COL4A3: variants seen among roughly 807,000 people sequenced by gnomAD.
COL4A3 encodes collagen alpha-3(IV) chain.
In COL4A3, 135 loss-of-function variants were observed where a neutral mutation model predicts 217.4. The observed-to-expected ratio is 0.62, with a 90% CI of 0.54 to 0.72. The LOEUF (loss-of-function observed/expected upper bound fraction) is 0.72. Among genes scored for constraint, COL4A3 ranks in the 30% least tolerant of loss-of-function variants. COL4A3 has a pLI of 0.00. For missense variants in COL4A3, 1,868 were observed against 2,119.9 expected, an observed-to-expected ratio of 0.88 and a Z score of 2.33; for synonymous variants, 690 against 736.3, an observed-to-expected ratio of 0.94 and a Z score of 1.02.
In COL4A3 at chr2:227,232,343, A is replaced by G. The variant is rs147771490; in HGVS notation, c.88-5625A>G. Among the ~76,000 whole-genome samples, 42 of 152,366 alleles carry G rather than the reference A, an allele frequency of 2.8e-4. No homozygotes were observed. In the East Asian group the frequency reaches 7.5e-3, roughly 27 times the overall value. On this transcript the variant is annotated intron_variant, in intron 1 of 51. Coordinates refer to ENST00000396578, the MANE Select transcript of COL4A3 (RefSeq NM_000091.5). ...TGCTACAACAAACATGGGAGTGCAG[A>G]TATCTCTTTGATACACTGATTTCCT...
At chr2:227,223,144 G>A (rs201076189) in intron 1 of COL4A3, among the ~76,000 whole-genome samples, 4 of 150,190 alleles carry the variant, frequency 2.7e-5, no homozygotes, top group African/African-American at 4.9e-5. Flanking sequence ...GTGGTCTGGG[G>A]AACCCCTGAA....
Position 227,190,728 on chromosome 2 carries a change from G to A in COL4A3, c.87+25915G>A, listed in dbSNP as rs1024827388. On this transcript the variant is annotated intron_variant, in intron 1 of 51. Coordinates refer to ENST00000396578, the MANE Select transcript of COL4A3 (RefSeq NM_000091.5). Reference sequence around the variant, plus strand: ...TTGAGAGCAGCCTGGCCAACATGGCGAAACCTCGTCTCTACAAAAAATTAA... The same window carrying A: ...TTGAGAGCAGCCTGGCCAACATGGCAAAACCTCGTCTCTACAAAAAATTAA... Among the ~76,000 whole-genome samples the A allele has an allele frequency of 1.6e-3, 239 of 152,256 alleles. 1 individual carries two copies. Among genetic ancestry groups the A allele is most frequent in the African/African-American group, 5.2e-3 (215 of 41,540 alleles).
At chr2:227,286,523 AG>A (rs1374172280) in intron 34 of COL4A3, among the ~76,000 whole-genome samples, 6 of 152,164 alleles carry the variant, frequency 3.9e-5, no homozygotes, top group Non-Finnish European at 7.4e-5. Context: ...TAACCCTAGG[AG>A]TAGGTACTAC....
chr2:227,287,425 G>A (rs1179133244), intron 34 of COL4A3, among the ~76,000 whole-genome samples: 2 of 149,100 alleles, frequency 1.3e-5, no homozygotes, highest in African/African-American at 2.5e-5. Context: ...GCAAGACTCC[G>A]TCTCAAAAAA....
chr2:227,263,096 T>TA (rs11377072), intron 20 of COL4A3, among the ~76,000 whole-genome samples: 15,433 of 152,124 alleles, frequency 0.1, 1,548 homozygotes, highest in African/African-American at 0.27. Context: ...AAAATATGAT[T>TA]AAAAAAATAC....
At chr2:227,288,517 G>A (rs2072480138) in intron 34 of COL4A3, among the ~76,000 whole-genome samples, 1 of 152,198 alleles carries the variant, frequency 6.6e-6, no homozygotes, top group Non-Finnish European at 1.5e-5. Flanking sequence ...AAATCCAAGT[G>A]TTATTAACTG....
chr2:227,196,636 C>T (rs2066490842), intron 1 of COL4A3, among the ~76,000 whole-genome samples: 1 of 152,100 alleles, frequency 6.6e-6, no homozygotes, highest in African/African-American at 2.4e-5. Flanking sequence ...TTTTATATTG[C>T]ATTTTTACCG....
chr2:227,231,161 G>C (rs919984730), intron 1 of COL4A3, among the ~76,000 whole-genome samples: 2 of 152,012 alleles, frequency 1.3e-5, no homozygotes, highest in African/African-American at 2.4e-5. Context: ...TGTATAACTG[G>C]TACATGTCTG....
In COL4A3 at chr2:227,186,187, G is replaced by A. The variant is rs910728391; in HGVS notation, c.87+21374G>A. On this transcript the variant is annotated intron_variant, in intron 1 of 51. Transcript: ENST00000396578. ...ATTATTTGATTTGGTTTGATTTTTC[G>A]TATACTTTCAGGCTTCTATCACGCC... is the stretch of plus-strand genomic sequence containing the variant. Among the ~76,000 whole-genome samples the A allele has an allele frequency of 4.6e-5, 7 of 152,262 alleles. No homozygotes were observed. In the East Asian group the frequency reaches 9.6e-4, roughly 21 times the overall value.
At chr2:227,215,084 A>C (rs1421405783) in intron 1 of COL4A3, among the ~76,000 whole-genome samples, 1 of 152,162 alleles carries the variant, frequency 6.6e-6, no homozygotes, top group African/African-American at 2.4e-5. Context: ...CCTAAAACTT[A>C]GACTTTTCTA....
Position 227,311,972 on chromosome 2 carries a change from C to G in COL4A3, c.*102C>G, listed in dbSNP as rs542676292. ...ATTTTTCTTTAACCAAACAATATTGCTCCATGATGACTTAGTACAAAGTTT... is the reference window on the plus strand; with the variant it reads ...ATTTTTCTTTAACCAAACAATATTGGTCCATGATGACTTAGTACAAAGTTT... On this transcript the variant is annotated 3_prime_UTR_variant, in exon 52 of 52. Transcript: ENST00000396578. 3 of 1,541,618 alleles carry G rather than the reference C, an allele frequency of 1.9e-6. No homozygotes were observed. In the East Asian group the frequency reaches 7.2e-5, roughly 37 times the overall value.
At chr2:227,231,971 AG>A (rs1036108754) in intron 1 of COL4A3, among the ~76,000 whole-genome samples, 3 of 151,990 alleles carry the variant, frequency 2.0e-5, no homozygotes, top group Non-Finnish European at 4.4e-5. Context: ...TACCCCTCTA[AG>A]CTTCTGGTAA....
intron 15 of COL4A3, 123 bp downstream of exon 15, chr2:227,254,838 T>C (rs2070049692): frequency 1.3e-6 from 1 of 759,802 alleles, no homozygotes; most frequent in Middle Eastern, 2.3e-4. Flanking sequence ...TTCTTTAAGA[T>C]TTGGGAGGCA....
At chr2:227,290,998 C>T (rs931331859) in intron 37 of COL4A3, 112 bp downstream of exon 37, 1 of 1,227,046 alleles carries the variant, frequency 8.1e-7, no homozygotes, top group Admixed American at 2.0e-5. Flanking sequence ...TGTTACTATA[C>T]TTTCAGACAG....
chr2:227,306,464 G>C (rs563544279), intron 47 of COL4A3, among the ~76,000 whole-genome samples: 5 of 152,114 alleles, frequency 3.3e-5, no homozygotes, highest in Non-Finnish European at 7.4e-5. Flanking sequence ...GCCAACTATA[G>C]CTCCCTCTGA....
intron 37 of COL4A3, among the ~76,000 whole-genome samples, chr2:227,292,270 C>T (rs1559908527): frequency 6.6e-6 from 1 of 152,134 alleles, no homozygotes; most frequent in Non-Finnish European, 1.5e-5. Flanking sequence ...ACTACACAGA[C>T]CCAAGAAAGC....
intron 1 of COL4A3, among the ~76,000 whole-genome samples, chr2:227,189,128 G>T (rs751366981): frequency 6.6e-6 from 1 of 152,106 alleles, no homozygotes; most frequent in Non-Finnish European, 1.5e-5. Context: ...GAGGGAGAGA[G>T]GCCAGGGGAG....
intron 1 of COL4A3, among the ~76,000 whole-genome samples, chr2:227,195,880 T>A (rs2066455152): frequency 6.9e-6 from 1 of 145,820 alleles, no homozygotes; most frequent in African/African-American, 2.6e-5. Context: ...AGGCCTAGGC[T>A]AATGTGTGTG....
At chr2:227,225,709 CT>C (rs71829862) in intron 1 of COL4A3, among the ~76,000 whole-genome samples, 44,386 of 126,072 alleles carry the variant, frequency 0.35, 5,855 homozygotes, top group Middle Eastern at 0.46. Flanking sequence ...CTTTTTCTTT[CT>C]TTTTTTTTTT....
Sources: gnomAD v4.1 joint callset for allele counts (sites outside exome capture counted in the v4.1 genomes callset) on GRCh38, gnomAD v4.1.1 for gene constraint, MANE v1.5 for transcripts, NCBI Gene and HGNC (gene_info 2026-07-23, HGNC 2026-07-21) for gene names.